REDIC1: variants seen among roughly 807,000 people sequenced by gnomAD.
REDIC1 encodes regulator of DNA class I crossover intermediates 1.
chr12:39,904,342 CTCT>C, the REDIC1 span, among the ~76,000 whole-genome samples: 1 of 152,136 alleles, frequency 6.6e-6, no homozygotes, highest in African/African-American at 2.4e-5. Flanking sequence ...CAGTGAACCA[CTCT>C]TGCCATTTAG....
At chr12:39,880,250 C>T in the REDIC1 span, among the ~76,000 whole-genome samples, 275 of 152,240 alleles carry the variant, frequency 1.8e-3, no homozygotes, top group Middle Eastern at 3.4e-3. Context: ...TTATTTGTAG[C>T]AATGCAAGAA....
At chr12:39,720,496 A>T in the REDIC1 span, among the ~76,000 whole-genome samples, 2 of 152,030 alleles carry the variant, frequency 1.3e-5, no homozygotes, top group Non-Finnish European at 2.9e-5. Flanking sequence ...GATTATAGGG[A>T]CTAATAAAAG....
the REDIC1 span, among the ~76,000 whole-genome samples, chr12:39,732,707 T>C: frequency 6.6e-6 from 1 of 152,226 alleles, no homozygotes; most frequent in Non-Finnish European, 1.5e-5. Flanking sequence ...AGATGAGTAT[T>C]ATTTTTTCTT....
At chr12:39,743,057 G>A in the REDIC1 span, among the ~76,000 whole-genome samples, 2 of 29,040 alleles carry the variant, frequency 6.9e-5, no homozygotes, top group Non-Finnish European at 1.2e-4. Context: ...ATAGAGTGAC[G>A]ATGGGAGAAA....
At chr12:39,828,304 G>A in the REDIC1 span, among the ~76,000 whole-genome samples, 3 of 151,874 alleles carry the variant, frequency 2.0e-5, no homozygotes, top group African/African-American at 7.3e-5. Flanking sequence ...GTAAGGATAT[G>A]CTGTGAACAT....
At chr12:39,687,757 T>C in the REDIC1 span, among the ~76,000 whole-genome samples, 6 of 152,248 alleles carry the variant, frequency 3.9e-5, no homozygotes, top group Non-Finnish European at 7.3e-5. Flanking sequence ...TGCCATACTA[T>C]TGAAATATCT....
chr12:39,818,204 C>G, the REDIC1 span, among the ~76,000 whole-genome samples: 1 of 152,010 alleles, frequency 6.6e-6, no homozygotes, highest in African/African-American at 2.4e-5. Context: ...TTCCTAAAAT[C>G]ATCTGATTCC....
chr12:39,736,563 G>A, the REDIC1 span: 2 of 152,206 alleles, frequency 1.3e-5, no homozygotes, highest in African/African-American at 4.8e-5. Flanking sequence ...AGAAGGTGGA[G>A]TCTAATTGCC....
At chr12:39,706,618 C>G in the REDIC1 span, among the ~76,000 whole-genome samples, 4 of 151,854 alleles carry the variant, frequency 2.6e-5, no homozygotes, top group African/African-American at 7.2e-5. Flanking sequence ...AGCATGAGAA[C>G]TATAGTAACC....
chr12:39,841,345 T>C, the REDIC1 span, among the ~76,000 whole-genome samples: 1 of 152,124 alleles, frequency 6.6e-6, no homozygotes, highest in Admixed American at 6.6e-5. Flanking sequence ...TAATGAATTA[T>C]TGGGTTGGTT....
At chr12:39,746,405 G>C in the REDIC1 span, among the ~76,000 whole-genome samples, 1 of 152,170 alleles carries the variant, frequency 6.6e-6, no homozygotes, top group Non-Finnish European at 1.5e-5. Context: ...GCTGAGGCTT[G>C]AGTAGGTAAA....
the REDIC1 span, among the ~76,000 whole-genome samples, chr12:39,853,210 T>C: frequency 3.3e-5 from 5 of 152,190 alleles, no homozygotes; most frequent in Admixed American, 3.3e-4. Flanking sequence ...ACTACCTCTG[T>C]GTCTTCTTTG....
At chr12:39,650,235 TC>T in the REDIC1 span, 1 of 1,552,114 alleles carries the variant, frequency 6.4e-7, no homozygotes, top group South Asian at 1.3e-5. The surrounding 1 kb of genome is among the most constrained non-coding windows in gnomAD (Gnocchi z 4.3). Flanking sequence ...ATTTTTTTTT[TC>T]AGCGCAGTAC....
the REDIC1 span, among the ~76,000 whole-genome samples, chr12:39,631,897 A>G: frequency 1.3e-5 from 2 of 152,170 alleles, no homozygotes; most frequent in East Asian, 3.9e-4. Context: ...TGAGTAACAC[A>G]TTGTTAGAGA....
chr12:39,900,408 G>A, the REDIC1 span, among the ~76,000 whole-genome samples: 1 of 152,138 alleles, frequency 6.6e-6, no homozygotes, highest in Non-Finnish European at 1.5e-5. Context: ...GTCCCTGTTT[G>A]CAGATGACAT....
the REDIC1 span, among the ~76,000 whole-genome samples, chr12:39,711,488 T>A: frequency 6.9e-6 from 1 of 144,068 alleles, no homozygotes; most frequent in African/African-American, 2.5e-5. Flanking sequence ...TGTGTATATA[T>A]GTATATAAGT....
the REDIC1 span, among the ~76,000 whole-genome samples, chr12:39,738,275 G>C: frequency 6.6e-6 from 1 of 152,208 alleles, no homozygotes; most frequent in South Asian, 2.1e-4. Context: ...GCCTGCTCTT[G>C]GCCATTTGTT....
chr12:39,752,051 A>G, the REDIC1 span, among the ~76,000 whole-genome samples: 1 of 152,070 alleles, frequency 6.6e-6, no homozygotes, highest in Non-Finnish European at 1.5e-5. Context: ...TAAAGTATAA[A>G]AAAAAGAAAT....
the REDIC1 span, among the ~76,000 whole-genome samples, chr12:39,632,152 A>C: frequency 2.6e-5 from 4 of 151,986 alleles, no homozygotes; most frequent in Non-Finnish European, 4.4e-5. Context: ...GCTGGAGTGC[A>C]CTGGTGCCAT....
Sources: gnomAD v4.1 joint callset for allele counts (sites outside exome capture counted in the v4.1 genomes callset) on GRCh38, gnomAD v4.1.1 for gene constraint, Gnocchi (gnomAD v3.1) non-coding constraint, MANE v1.5 for transcripts, NCBI Gene and HGNC (gene_info 2026-07-23, HGNC 2026-07-21) for gene names.